ACAP2: variants seen among roughly 807,000 people sequenced by gnomAD.
ACAP2 encodes the protein ArfGAP with coiled-coil, ankyrin repeat and PH domains 2, also known as arf-GAP with coiled-coil, ANK repeat and PH domain-containing protein 2.
In ACAP2, 39 loss-of-function variants were observed where a neutral mutation model predicts 115.8. The observed-to-expected ratio is 0.34, with a 90% CI of 0.26 to 0.44. ACAP2 has a LOEUF of 0.44. Among genes scored for constraint, ACAP2 ranks in the 20% least tolerant of loss-of-function variants. The pLI is 1.00. For missense variants in ACAP2, 662 were observed against 927.6 expected, an observed-to-expected ratio of 0.71 and a Z score of 3.72; for synonymous variants, 289 against 315.8, an observed-to-expected ratio of 0.92 and a Z score of 0.90.
intron 22 of ACAP2, 55 bp from the exon 23 acceptor site, chr3:195,279,483 A>T (rs1726348832): frequency 8.5e-7 from 1 of 1,172,662 alleles, no homozygotes; most frequent in East Asian, 2.6e-5. Flanking sequence ...TTAATCAAAC[A>T]ACATTCATAT....
intron 21 of ACAP2, among the ~76,000 whole-genome samples, chr3:195,287,680 C>A (rs984013883): frequency 6.6e-6 from 1 of 152,126 alleles, no homozygotes; most frequent in Admixed American, 6.5e-5. Flanking sequence ...TGGAACTTCA[C>A]AAATTACTAA....
Position 195,392,110 on chromosome 3 carries a change from A to G in ACAP2, c.91T>C (p.Leu31=). 1.2e-6 allele frequency: 2 copies of G among 1,612,830 alleles called. No homozygotes were observed. Among genetic ancestry groups the G allele is most frequent in the South Asian group, 1.1e-5 (1 of 90,664 alleles). Residue 31 remains leucine, a synonymous_variant, in exon 2 of 23, where the codon TTG becomes CTG. Coordinates refer to ENST00000326793, the MANE Select transcript of ACAP2 (RefSeq NM_012287.6). ...LEEVEGDVAE[L]ELKLDKLVKL... Reference sequence around the variant, plus strand: ...TTTACCTTATCAAGTTTTAGTTCCAATTCTGCCACATCACCTTCTACTTCT... The same window carrying G: ...TTTACCTTATCAAGTTTTAGTTCCAGTTCTGCCACATCACCTTCTACTTCT...
At chr3:195,299,560 C>T (rs1328674981) in intron 15 of ACAP2, among the ~76,000 whole-genome samples, 7 of 143,152 alleles carry the variant, frequency 4.9e-5, no homozygotes, top group East Asian at 2.1e-4. Context: ...AAAAAAAGGC[C>T]GGGCGCGGTG....
intron 9 of ACAP2, 132 bp downstream of exon 9, chr3:195,326,753 A>G (rs2108614865): frequency 1.4e-6 from 1 of 727,374 alleles, no homozygotes; most frequent in Non-Finnish European, 2.2e-6. Context: ...TTCAAAAACA[A>G]AAGAGGAATT....
In ACAP2 at chr3:195,417,078, A is replaced by ATTT. The variant is rs11293878; in HGVS notation, c.54-24934_54-24932dup. ...AGCTGGGCATCACAATGCCTGGCTA[A>ATTT]TTTTTTTTTTTTTTTTTTTTTTTTT... is the stretch of plus-strand genomic sequence containing the variant. On this transcript the variant is annotated intron_variant, in intron 1 of 22. Coordinates refer to ENST00000326793, the MANE Select transcript of ACAP2 (RefSeq NM_012287.6). 2.1e-3 allele frequency among the ~76,000 whole-genome samples: 233 copies of ATTT among 109,530 alleles called. 5 individuals are homozygous for ATTT. The highest frequency in any genetic ancestry group is 8.5e-3 in the African/African-American group (219 of 25,766). 71.9% of individuals were successfully genotyped at this position (109,530 alleles called of 152,430 possible).
intron 9 of ACAP2, among the ~76,000 whole-genome samples, chr3:195,323,582 T>C (rs1368646789): frequency 6.6e-6 from 1 of 152,170 alleles, no homozygotes; most frequent in Non-Finnish European, 1.5e-5. Context: ...ATATTAATTT[T>C]GATTCATACA....
At chr3:195,338,938 G>A (rs1340872300) in intron 6 of ACAP2, among the ~76,000 whole-genome samples, 1 of 151,536 alleles carries the variant, frequency 6.6e-6, no homozygotes, top group Non-Finnish European at 1.5e-5. Flanking sequence ...TTAACCATAA[G>A]ACTAGTTTCT....
intron 4 of ACAP2, among the ~76,000 whole-genome samples, chr3:195,350,479 A>G (rs1000261341): frequency 2.6e-5 from 4 of 151,710 alleles, no homozygotes; most frequent in Admixed American, 6.6e-5. Context: ...AGACCCCCCA[A>G]TCTCGACAAA....
intron 15 of ACAP2, among the ~76,000 whole-genome samples, chr3:195,298,911 G>A (rs138481365): frequency 0.026 from 3,933 of 152,222 alleles, 146 homozygotes; most frequent in African/African-American, 0.086. Flanking sequence ...GATTATAGGC[G>A]TCAGCCACTG....
intron 18 of ACAP2, 58 bp from the exon 19 acceptor site, chr3:195,292,510 ATTAT>A (rs1293220286): frequency 1.3e-6 from 2 of 1,490,148 alleles, no homozygotes; most frequent in East Asian, 4.5e-5. Flanking sequence ...AAAAGAAAAA[ATTAT>A]TTAATAGGTA....
chr3:195,318,443 G>T (rs1476123730), intron 10 of ACAP2, among the ~76,000 whole-genome samples: 2 of 152,242 alleles, frequency 1.3e-5, no homozygotes, highest in East Asian at 3.8e-4. Context: ...CCAAAATGCT[G>T]ATACGGATAT....
intron 1 of ACAP2, among the ~76,000 whole-genome samples, chr3:195,434,069 T>C (rs1265859794): frequency 6.6e-6 from 1 of 151,984 alleles, no homozygotes; most frequent in East Asian, 1.9e-4. Flanking sequence ...GCTGGGACTA[T>C]AGGCATGTAC....
At chr3:195,400,934 C>A (rs1712234038) in intron 1 of ACAP2, among the ~76,000 whole-genome samples, 1 of 152,166 alleles carries the variant, frequency 6.6e-6, no homozygotes, top group Admixed American at 6.5e-5. Context: ...GTGGCTCATG[C>A]CTGTAATACT....
chr3:195,427,285 C>T (rs981566761), intron 1 of ACAP2, among the ~76,000 whole-genome samples: 2 of 152,266 alleles, frequency 1.3e-5, no homozygotes, highest in South Asian at 2.1e-4. Context: ...TTATTTTAGC[C>T]CAGTGAGATC....
At position 195,295,381 on chromosome 3, in the gene ACAP2, T is replaced by A. The variant is rs910632701; in HGVS notation, c.1672+327A>T. On this transcript the variant is annotated intron_variant, in intron 17 of 22. Transcript: ENST00000326793. ...AGGAAAAAACGTTACTGGGAAAAAA[T>A]TTAGGAGGAAAAAATAGGAAGGAAA... The A allele has an allele frequency of 5.0e-5, 40 of 793,616 alleles. No individual in the cohort carries two copies. The South Asian group carries it at 5.4e-4, about 11-fold the overall frequency. The allele number at this position is 793,616 out of a possible 1,614,324, so 49.2% of individuals were successfully genotyped here.
At chr3:195,354,613 G>A (rs147433154) in intron 4 of ACAP2, among the ~76,000 whole-genome samples, 2 of 152,128 alleles carry the variant, frequency 1.3e-5, no homozygotes, top group African/African-American at 2.4e-5. Flanking sequence ...ATTTTCTCCC[G>A]TTCTATAGGT....
At chr3:195,365,906 A>G (rs1487516173) in intron 4 of ACAP2, among the ~76,000 whole-genome samples, 1 of 149,104 alleles carries the variant, frequency 6.7e-6, no homozygotes, top group African/African-American at 2.5e-5. Flanking sequence ...AGGTGGCGCG[A>G]CCTTAGCTCA....
intron 1 of ACAP2, among the ~76,000 whole-genome samples, chr3:195,411,780 C>G (rs1713281232): frequency 6.6e-6 from 1 of 151,958 alleles, no homozygotes; most frequent in Admixed American, 6.6e-5. Context: ...AGTGGTGGCT[C>G]ATGCCTGTAA....
intron 4 of ACAP2, among the ~76,000 whole-genome samples, chr3:195,378,991 G>T (rs1291253943): frequency 1.3e-5 from 2 of 151,872 alleles, no homozygotes; most frequent in Non-Finnish European, 2.9e-5. Flanking sequence ...AAAAGGAGAG[G>T]AATATTTCAA....
Sources: allele counts gnomAD v4.1 joint callset (sites outside exome capture counted in the v4.1 genomes callset), GRCh38; gene constraint gnomAD v4.1.1; transcripts MANE v1.5; gene names NCBI Gene and HGNC (gene_info 2026-07-23, HGNC 2026-07-21).